The following SYNRG variants were observed in gnomAD, a reference collection of about 807,000 sequenced individuals.
The protein encoded by SYNRG is AP1 gamma subunit binding protein 1.
SYNRG carries 37 observed loss-of-function variants against 130.9 expected under a neutral mutation model. The ratio of observed to expected loss-of-function variants is 0.28; its 90% CI spans 0.22 to 0.37. SYNRG has a LOEUF of 0.37. SYNRG is among the 10% of genes least tolerant of loss of function. SYNRG has a pLI of 1.00. For synonymous variants in SYNRG, 539 were observed against 568.1 expected (o/e 0.95, Z 0.73); for missense variants, 1,338 against 1,588.9 (o/e 0.84, Z 2.68).
intron 2 of SYNRG, among the ~76,000 whole-genome samples, chr17:37,599,443 G>A (rs967225077): frequency 4.6e-5 from 7 of 152,188 alleles, no homozygotes; most frequent in Admixed American, 1.3e-4. Context: ...AGACTTGGCC[G>A]GATGTGGTGG....
intron 8 of SYNRG, among the ~76,000 whole-genome samples, chr17:37,575,672 C>T (rs2060771220): frequency 6.6e-6 from 1 of 151,466 alleles, no homozygotes; most frequent in African/African-American, 2.4e-5. Context: ...GAGACCCCGT[C>T]TCTACAAAAA....
intron 1 of SYNRG, among the ~76,000 whole-genome samples, chr17:37,602,653 G>C (rs2063392464): frequency 6.6e-6 from 1 of 152,128 alleles, no homozygotes; most frequent in African/African-American, 2.4e-5. Context: ...AGAGACCCTA[G>C]GGAGAAAAAA....
intron 18 of SYNRG, 86 bp from the exon 19 acceptor site, chr17:37,536,213 C>T: frequency 7.0e-7 from 1 of 1,437,862 alleles, no homozygotes; most frequent in South Asian, 1.4e-5. Context: ...TTGCTGATAT[C>T]TGTGAGAAAC....
In SYNRG at chr17:37,609,027, C is replaced by A. The variant is rs36099798; in HGVS notation, c.77+252G>T. 0.021 allele frequency among the ~76,000 whole-genome samples: 3,064 copies of A among 149,090 alleles called. 37 individuals are homozygous for A. The highest frequency in any genetic ancestry group is 0.034 in the Non-Finnish European group (2,292 of 67,062). ...AGAGGACCCTCATCTTCTCTCCCCTCCCACACTGGGCGCGCGCTCGCTCCC... is the reference window on the plus strand; with the variant it reads ...AGAGGACCCTCATCTTCTCTCCCCTACCACACTGGGCGCGCGCTCGCTCCC... On this transcript the variant is annotated intron_variant, in intron 1 of 21. Transcript: ENST00000612223.
chr17:37,541,117 G>T, intron 15 of SYNRG: 1 of 985,486 alleles, frequency 1.0e-6, no homozygotes, highest in Non-Finnish European at 1.2e-6. Context: ...GCCCAGTGCA[G>T]AATCACTGGA....
At chr17:37,587,506 T>C (rs1443424680) in intron 3 of SYNRG, among the ~76,000 whole-genome samples, 1 of 152,188 alleles carries the variant, frequency 6.6e-6, no homozygotes. Context: ...TGGGGAATAT[T>C]CCTCCTTGCT....
At chr17:37,570,955 G>A (rs2060388293) in intron 9 of SYNRG, 70 bp from the exon 10 acceptor site, 20 of 1,510,160 alleles carry the variant, frequency 1.3e-5, no homozygotes, top group Non-Finnish European at 1.6e-5. Flanking sequence ...GGCAGAGACC[G>A]AAAGGTAAAA....
intron 2 of SYNRG, among the ~76,000 whole-genome samples, chr17:37,598,794 T>C (rs1300558029): frequency 6.6e-6 from 1 of 152,246 alleles, no homozygotes; most frequent in Non-Finnish European, 1.5e-5. Flanking sequence ...GTCCAGTTCC[T>C]TTGCTCCATA....
chr17:37,579,232 G>C (rs1482499757), intron 6 of SYNRG: 2 of 1,280,026 alleles, frequency 1.6e-6, no homozygotes, highest in Non-Finnish European at 2.0e-6. Context: ...GACTTGGAGG[G>C]AGAGGCTGTG....
chr17:37,599,670 A>G lies in SYNRG; in HGVS notation c.118+693T>C, dbSNP rs542891447. On this transcript the variant is annotated intron_variant, in intron 2 of 21. Transcript: ENST00000612223. ...TAGGTGGCTGAGGCTACAGTAAGCT[A>G]TGACTGTGCCACTTATACTCCAGCC... Among the ~76,000 whole-genome samples the G allele has an allele frequency of 2.9e-4, 44 of 152,296 alleles. No homozygotes were observed. The South Asian group carries it at 6.6e-3, about 23-fold the overall frequency.
At chr17:37,519,894 C>A (rs1371153992) in intron 21 of SYNRG, among the ~76,000 whole-genome samples, 1 of 152,222 alleles carries the variant, frequency 6.6e-6, no homozygotes, top group Non-Finnish European at 1.5e-5. Context: ...GTCACTACAA[C>A]TTCCAGGCTT....
Position 37,570,756 on chromosome 17 carries a change from C to T in SYNRG, c.1228G>A (p.Ala410Thr), listed in dbSNP as rs1239172065. ...CCAAGGCTGAGGGGCATGGAGCCCGCAGGACCTGAAGGTATCACAGTTGGC... is the reference window on the plus strand; with the variant it reads ...CCAAGGCTGAGGGGCATGGAGCCCGTAGGACCTGAAGGTATCACAGTTGGC... ...SQPTVIPSGP[A>T]GSMPLSLGQP... Residue 410 changes from alanine (A) to threonine (T), a missense_variant, in exon 10 of 22, where the codon GCG (alanine) becomes ACG (threonine). Physicochemically the swap from Ala to Thr is moderately conservative, Grantham distance 58 (BLOSUM62 0). Transcript: ENST00000612223. 3.7e-6 allele frequency: 6 copies of T among 1,614,084 alleles called. No homozygotes were observed. The highest frequency in any genetic ancestry group is 5.1e-6 in the Non-Finnish European group (6 of 1,180,050).
At position 37,553,684 on chromosome 17, in the gene SYNRG, G is replaced by C; in HGVS notation, c.2039C>G (p.Ser680Cys). Residue 680 changes from serine (S) to cysteine (C), a missense_variant, in exon 14 of 22, where the codon TCT becomes TGT. Physicochemically the swap from Ser to Cys is moderately radical, Grantham distance 112. Coordinates refer to ENST00000612223, the MANE Select transcript of SYNRG (RefSeq NM_007247.6). ...FGEFSLFGEY[S>C]GLAPVGEQDD... The stretch of plus-strand genomic sequence containing the variant: ...CTGCTCCCCAACAGGTGCTAGACCA[G>C]AATATTCCCCAAAAAGGCTGAATTC... 4 of 1,613,794 alleles carry C rather than the reference G, an allele frequency of 2.5e-6. No individual in the cohort carries two copies. The highest frequency in any genetic ancestry group is 3.4e-6 in the Non-Finnish European group (4 of 1,179,972).
chr17:37,576,604 G>A lies in SYNRG; in HGVS notation c.824-186C>T, dbSNP rs561631098. 3.9e-4 allele frequency: 194 copies of A among 496,962 alleles called. 1 individual carries two copies. In the South Asian group the frequency reaches 7.3e-3, roughly 19 times the overall value. The allele number at this position is 496,962 out of a possible 1,614,324, so 30.8% of individuals were successfully genotyped here. ...AATATTTGGTTTTTAAGCAACTCTTGTACGTTAACTATGTTCTAAAGAGTA... is the reference window on the plus strand; with the variant it reads ...AATATTTGGTTTTTAAGCAACTCTTATACGTTAACTATGTTCTAAAGAGTA... On this transcript the variant is annotated intron_variant, in intron 7 of 21. Coordinates refer to ENST00000612223, the MANE Select transcript of SYNRG (RefSeq NM_007247.6).
chr17:37,579,347 C>G, intron 6 of SYNRG: 1 of 1,304,136 alleles, frequency 7.7e-7, no homozygotes, highest in African/African-American at 1.5e-5. Context: ...TTCAACAGGC[C>G]CCTGCATAAA....
intron 3 of SYNRG, among the ~76,000 whole-genome samples, chr17:37,588,806 A>G (rs866640434): frequency 6.6e-6 from 1 of 151,892 alleles, no homozygotes; most frequent in Non-Finnish European, 1.5e-5. Flanking sequence ...CCCAAATCAT[A>G]GAGATTAAAA....
Position 37,515,545 on chromosome 17 carries a change from G to C in SYNRG, c.*3395C>G, listed in dbSNP as rs548729503. On this transcript the variant is annotated 3_prime_UTR_variant, in exon 22 of 22. Transcript: ENST00000612223. ...GCGATCTCGGCTCACTGCAACCTCC[G>C]CCTCTCTGGTTCAAGCAATTCTCCT... 1 of 152,286 alleles carries C rather than the reference G, an allele frequency of 6.6e-6. No individual in the cohort carries two copies. Among genetic ancestry groups the C allele is most frequent in the Non-Finnish European group, 1.5e-5 (1 of 68,108 alleles). The allele number at this position is 152,286 out of a possible 1,614,324, so 9.4% of individuals were successfully genotyped here. A position where few individuals can be genotyped will look rare whatever the true frequency, so the allele number is the denominator to read the frequency against.
chr17:37,554,192 T>C, intron 13 of SYNRG, 133 bp from the exon 14 acceptor site: 1 of 761,460 alleles, frequency 1.3e-6, no homozygotes, highest in Non-Finnish European at 2.0e-6. Flanking sequence ...AATGTTTACA[T>C]ACTTTAAACC....
intron 2 of SYNRG, among the ~76,000 whole-genome samples, chr17:37,599,510 G>A (rs1429176943): frequency 2.6e-5 from 4 of 152,148 alleles, no homozygotes; most frequent in East Asian, 1.9e-4. Context: ...CGCTTAAGCC[G>A]AGGAATTTGA....
Sources: gnomAD v4.1 joint callset for allele counts (sites outside exome capture counted in the v4.1 genomes callset) on GRCh38, gnomAD v4.1.1 for gene constraint, MANE v1.5 for transcripts, NCBI Gene and HGNC (gene_info 2026-07-23, HGNC 2026-07-21) for gene names.